Variants in IMPG1 observed in about 807,000 individuals in gnomAD.
IMPG1 encodes interphotoreceptor matrix proteoglycan of 150 kDa.
IMPG1 carries 85 observed loss-of-function variants against 92.0 expected under a neutral mutation model. That is an observed-to-expected ratio of 0.92 (90% CI 0.78 to 1.11). The LOEUF is 1.11. Among genes scored for constraint, IMPG1 ranks in the 50% least tolerant of loss-of-function variants. The pLI, the probability that IMPG1 is intolerant of heterozygous loss-of-function variation, is 0.00. For missense variants in IMPG1, 1,022 were observed against 956.0 expected (o/e 1.07, Z -0.91); for synonymous variants, 367 against 334.1 (o/e 1.10, Z -1.08).
At chr6:76,046,023 T>C (rs533975064) in intron 1 of IMPG1, among the ~76,000 whole-genome samples, 1 of 152,192 alleles carries the variant, frequency 6.6e-6, no homozygotes, top group South Asian at 2.1e-4. Context: ...GATGATGAAT[T>C]GGCTGCCATC....
At chr6:75,973,297 C>CG (rs894917406) in intron 12 of IMPG1, among the ~76,000 whole-genome samples, 1 of 129,866 alleles carries the variant, frequency 7.7e-6, no homozygotes, top group African/African-American at 2.9e-5. Flanking sequence ...TACTTTCCCC[C>CG]CCGCCCAAAA....
intron 12 of IMPG1, among the ~76,000 whole-genome samples, chr6:75,992,147 G>A (rs527621582): frequency 6.6e-6 from 1 of 152,356 alleles, no homozygotes; most frequent in South Asian, 2.1e-4. Flanking sequence ...TCTGCCAGCA[G>A]ATGGCCTTCG....
intron 4 of IMPG1, 110 bp downstream of exon 4, chr6:76,034,205 C>G: frequency 1.0e-6 from 1 of 993,226 alleles, no homozygotes; most frequent in Non-Finnish European, 1.6e-6. Flanking sequence ...CTACACAGCT[C>G]TTAGTGGCTG....
At chr6:75,967,324 A>T (rs1225653657) in intron 12 of IMPG1, among the ~76,000 whole-genome samples, 1 of 152,156 alleles carries the variant, frequency 6.6e-6, no homozygotes, top group Non-Finnish European at 1.5e-5. Context: ...CAAGATTATG[A>T]TTAAGAGGTT....
chr6:76,047,233 T>C (rs1489495590), intron 1 of IMPG1, among the ~76,000 whole-genome samples: 6 of 152,178 alleles, frequency 3.9e-5, no homozygotes, highest in Admixed American at 2.6e-4. Flanking sequence ...GCTCATCTTG[T>C]GTTTGTCTTT....
intron 1 of IMPG1, among the ~76,000 whole-genome samples, chr6:76,067,420 C>T (rs1023005140): frequency 6.6e-6 from 1 of 152,078 alleles, no homozygotes; most frequent in African/African-American, 2.4e-5. Flanking sequence ...TCTACCCTCA[C>T]AAACTTGAAA....
At position 76,023,376 on chromosome 6, in the gene IMPG1, A is replaced by G. The variant is rs563400427; in HGVS notation, c.563-1157T>C. Among the ~76,000 whole-genome samples the G allele has an allele frequency of 3.3e-5, 5 of 152,336 alleles. No individual in the cohort carries two copies. In the South Asian group the frequency reaches 1.0e-3, roughly 32 times the overall value. On this transcript the variant is annotated intron_variant, in intron 5 of 16. Coordinates refer to ENST00000369950, the MANE Select transcript of IMPG1 (RefSeq NM_001563.4). Reference sequence around the variant, plus strand: ...GGTTTATGCTACAATTTTTGTTACAATAAAAAAGTACTTAGCTGGTACCCT... The same window carrying G: ...GGTTTATGCTACAATTTTTGTTACAGTAAAAAAGTACTTAGCTGGTACCCT...
At chr6:76,004,440 C>T (rs1435608480) in intron 10 of IMPG1, among the ~76,000 whole-genome samples, 1 of 152,132 alleles carries the variant, frequency 6.6e-6, no homozygotes, top group Admixed American at 6.5e-5. Flanking sequence ...CCTTTTCTTG[C>T]CTATGAATTT....
At position 75,966,885 on chromosome 6, in the gene IMPG1, A is replaced by G. The variant is rs139642058; in HGVS notation, c.1292-15791T>C. Among the ~76,000 whole-genome samples the G allele has an allele frequency of 4.0e-3, 602 of 152,336 alleles. 12 individuals are homozygous for G. Among genetic ancestry groups the G allele is most frequent in the Non-Finnish European group, 2.7e-3 (187 of 68,032 alleles). The stretch of plus-strand genomic sequence containing the variant: ...AGGAGAAAAATTTTTCTGATACATT[A>G]AAACAAACAAGGCCGGGCATGATGG... On this transcript the variant is annotated intron_variant, in intron 12 of 16. Coordinates refer to ENST00000369950, the MANE Select transcript of IMPG1 (RefSeq NM_001563.4).
chr6:76,004,392 C>T (rs535944859), intron 10 of IMPG1, among the ~76,000 whole-genome samples: 6 of 152,248 alleles, frequency 3.9e-5, no homozygotes, highest in Non-Finnish European at 7.4e-5. Context: ...GGACAAGCCC[C>T]GAGTATCAGG....
intron 14 of IMPG1, among the ~76,000 whole-genome samples, chr6:75,938,236 G>A (rs1055548078): frequency 6.6e-6 from 1 of 152,166 alleles, no homozygotes; most frequent in African/African-American, 2.4e-5. Flanking sequence ...TCCTCATTTA[G>A]AGGATGCATC....
Position 76,005,984 on chromosome 6 carries a change from G to A in IMPG1, c.888-450C>T, listed in dbSNP as rs550826291. Among the ~76,000 whole-genome samples, 14 of 152,110 alleles carry A rather than the reference G, an allele frequency of 9.2e-5. No homozygotes were observed. In the South Asian group the frequency reaches 2.9e-3, roughly 32 times the overall value. On this transcript the variant is annotated intron_variant, in intron 9 of 16. Transcript: ENST00000369950. ...CCCAGCATAGCTGGGAACACAGGAA[G>A]GAAGTGGGCTAATTTTAAATTTTTT...
At chr6:76,002,101 G>T (rs959868796) in intron 12 of IMPG1, among the ~76,000 whole-genome samples, 4 of 152,124 alleles carry the variant, frequency 2.6e-5, no homozygotes, top group Admixed American at 2.6e-4. Flanking sequence ...AATGGCATTT[G>T]TACTTATAAT....
chr6:75,973,119 G>T (rs953591859), intron 12 of IMPG1, among the ~76,000 whole-genome samples: 1 of 152,082 alleles, frequency 6.6e-6, no homozygotes, highest in Non-Finnish European at 1.5e-5. Flanking sequence ...CTGGAATTAC[G>T]GGGACATACT....
At chr6:75,998,061 T>C (rs1253944091) in intron 12 of IMPG1, among the ~76,000 whole-genome samples, 1 of 152,142 alleles carries the variant, frequency 6.6e-6, no homozygotes. Context: ...AAAATAACTG[T>C]GTAAAGGCAC....
chr6:76,014,682 G>C (rs1340143637), intron 7 of IMPG1, among the ~76,000 whole-genome samples: 1 of 152,196 alleles, frequency 6.6e-6, no homozygotes, highest in Non-Finnish European at 1.5e-5. Flanking sequence ...CAGGATACCA[G>C]AGATGCTGTT....
chr6:76,063,859 C>T (rs748079117), intron 1 of IMPG1, among the ~76,000 whole-genome samples: 2 of 152,182 alleles, frequency 1.3e-5, no homozygotes, highest in Non-Finnish European at 2.9e-5. Flanking sequence ...GGGAGCACCC[C>T]TTTGCACAAA....
intron 12 of IMPG1, among the ~76,000 whole-genome samples, chr6:75,982,289 G>A (rs1254966828): frequency 6.6e-6 from 1 of 152,004 alleles, no homozygotes; most frequent in Non-Finnish European, 1.5e-5. Context: ...TAAAGAAAAT[G>A]TATTCCACTT....
At chr6:76,007,773 T>A (rs955832950) in intron 8 of IMPG1, among the ~76,000 whole-genome samples, 1 of 152,172 alleles carries the variant, frequency 6.6e-6, no homozygotes, top group Non-Finnish European at 1.5e-5. Flanking sequence ...GCACTTTTGG[T>A]CTTCTTCTTA....
Sources: gnomAD v4.1 joint callset for allele counts (sites outside exome capture counted in the v4.1 genomes callset) on GRCh38, gnomAD v4.1.1 for gene constraint, MANE v1.5 for transcripts, NCBI Gene and HGNC (gene_info 2026-07-23, HGNC 2026-07-21) for gene names.